HEATR5B: variants seen among roughly 807,000 people sequenced by gnomAD.
The protein encoded by HEATR5B is HEAT repeat-containing protein 5B.
HEATR5B carries 156 observed loss-of-function variants against 224.1 expected under a neutral mutation model. The ratio of observed to expected loss-of-function variants is 0.70; its 90% CI spans 0.61 to 0.80. HEATR5B has a LOEUF of 0.80. Ranked by LOEUF, HEATR5B falls within the 30% of genes least tolerant of loss-of-function variation. The probability of loss-of-function intolerance (pLI) is 0.00; values close to 1 mark genes in which losing one functional copy is unlikely to be tolerated. For missense variants in HEATR5B, 2,323 were observed against 2,535.5 expected (o/e 0.92, Z 1.80); for synonymous variants, 1,027 against 893.0 (o/e 1.15, Z -2.68).
chr2:37,065,414 A>G (rs530360927), intron 9 of HEATR5B, among the ~76,000 whole-genome samples: 1 of 152,108 alleles, frequency 6.6e-6, no homozygotes, highest in East Asian at 1.9e-4. Context: ...CCTGGGCTTA[A>G]GCAATTCTCC....
At chr2:37,000,401 A>AACT (rs1667013264) in intron 33 of HEATR5B, among the ~76,000 whole-genome samples, 185 bp downstream of exon 33, 2 of 152,108 alleles carry the variant, frequency 1.3e-5, no homozygotes, top group African/African-American at 4.8e-5. Flanking sequence ...CTATTAACAC[A>AACT]AGGGCATTTA....
chr2:37,056,307 A>C, intron 16 of HEATR5B, 133 bp downstream of exon 16: 4 of 552,204 alleles, frequency 7.2e-6, no homozygotes. Context: ...TTACATTAGT[A>C]AATCTGTAAG....
intron 27 of HEATR5B, among the ~76,000 whole-genome samples, chr2:37,009,256 C>CAAAAAAAAAA: frequency 1.5e-5 from 1 of 65,678 alleles, no homozygotes; most frequent in Non-Finnish European, 3.1e-5. Flanking sequence ...GACTCTGTCT[C>CAAAAAAAAAA]AAAAAAAAAA....
At position 37,053,558 on chromosome 2, in the gene HEATR5B, C is replaced by T; in HGVS notation, c.2449G>A (p.Val817Ile). ...TTAAGCTGCACAGCCTGCTGGCGGA[C>T]ACCTTTAGCTTGTTTAACACATTCA... ...FAECVKQAKG[V>I]RQQAVQLNIF... Residue 817 changes from valine to isoleucine, a missense_variant, in exon 17 of 36, where the codon GTC becomes ATC. Coordinates refer to ENST00000233099, the MANE Select transcript of HEATR5B (RefSeq NM_019024.3). 1 of 1,610,226 alleles carries T rather than the reference C, an allele frequency of 6.2e-7. No individual in the cohort carries two copies. Among genetic ancestry groups the T allele is most frequent in the African/African-American group, 1.3e-5 (1 of 74,994 alleles).
intron 17 of HEATR5B, among the ~76,000 whole-genome samples, chr2:37,052,928 T>G (rs1338490072): frequency 1.3e-5 from 2 of 152,246 alleles, no homozygotes; most frequent in South Asian, 4.1e-4. Context: ...AATTTCCATT[T>G]AATATTTTCA....
At chr2:37,026,577 T>C (rs1668790337) in intron 24 of HEATR5B, among the ~76,000 whole-genome samples, 2 of 152,220 alleles carry the variant, frequency 1.3e-5, no homozygotes, top group East Asian at 1.9e-4. Context: ...GCCATAACTA[T>C]TTGACTGAGA....
chr2:36,993,462 AG>A (rs1666472782), intron 33 of HEATR5B, among the ~76,000 whole-genome samples: 1 of 151,582 alleles, frequency 6.6e-6, no homozygotes, highest in Admixed American at 6.6e-5. Context: ...GCTTGAACAT[AG>A]GAGGTGGACG....
At chr2:37,001,865 C>T (rs1402512322) in intron 32 of HEATR5B, among the ~76,000 whole-genome samples, 3 of 152,122 alleles carry the variant, frequency 2.0e-5, no homozygotes, top group South Asian at 2.1e-4. Context: ...TGGCATTTCA[C>T]CATGTTGGTC....
At chr2:37,079,088 C>T (rs1230437941) in intron 3 of HEATR5B, 32 bp downstream of exon 3, 2 of 1,361,258 alleles carry the variant, frequency 1.5e-6, no homozygotes, top group Non-Finnish European at 2.0e-6. Context: ...AAAAATAAAA[C>T]TTCAAGGGCC....
intron 31 of HEATR5B, among the ~76,000 whole-genome samples, 160 bp downstream of exon 31, chr2:37,003,382 A>G (rs980085183): frequency 1.1e-4 from 16 of 151,952 alleles, no homozygotes; most frequent in African/African-American, 3.9e-4. Context: ...ACTACACTGA[A>G]CTATAATCAC....
In HEATR5B at chr2:37,000,490, G is replaced by T. The variant is rs923806931; in HGVS notation, c.5545+96C>A. 68 of 883,634 alleles carry T rather than the reference G, an allele frequency of 7.7e-5. 1 individual carries two copies. The highest frequency in any genetic ancestry group is 2.2e-4 in the Middle Eastern group (1 of 4,562). 54.7% of individuals were successfully genotyped at this position (883,634 alleles called of 1,614,324 possible). ...ACATACCTCTCTGAGATGATTCATT[G>T]TTATACAGCAGTTTTCTGATAAGCT... On this transcript the variant is annotated intron_variant, in intron 33 of 35. Transcript: ENST00000233099.
intron 2 of HEATR5B, 114 bp downstream of exon 2, chr2:37,083,175 A>G: frequency 3.4e-6 from 4 of 1,178,142 alleles, no homozygotes; most frequent in Non-Finnish European, 5.0e-6. Context: ...TAATACTCTC[A>G]AGTTCCATAA....
At chr2:37,021,472 A>G (rs908232142) in intron 24 of HEATR5B, among the ~76,000 whole-genome samples, 5 of 152,248 alleles carry the variant, frequency 3.3e-5, no homozygotes, top group Admixed American at 1.3e-4. Flanking sequence ...AATGTCAATT[A>G]CCAGCTTATT....
At chr2:37,051,970 C>T (rs1278858129) in intron 17 of HEATR5B, among the ~76,000 whole-genome samples, 1 of 152,026 alleles carries the variant, frequency 6.6e-6, no homozygotes, top group Admixed American at 6.6e-5. Context: ...AAACTCCTGA[C>T]CTCAGGTGAT....
At chr2:37,034,309 T>C (rs1407154824) in intron 21 of HEATR5B, among the ~76,000 whole-genome samples, 1 of 146,456 alleles carries the variant, frequency 6.8e-6, no homozygotes, top group Admixed American at 6.7e-5. Flanking sequence ...CCTGGCTGTT[T>C]GTTTTGTTTT....
At chr2:37,076,532 C>T (rs1558382780) in intron 4 of HEATR5B, among the ~76,000 whole-genome samples, 1 of 152,050 alleles carries the variant, frequency 6.6e-6, no homozygotes, top group African/African-American at 2.4e-5. Flanking sequence ...GACACTTTAT[C>T]GCAGACCTCC....
intron 33 of HEATR5B, among the ~76,000 whole-genome samples, chr2:36,999,720 T>A (rs1666962247): frequency 6.6e-6 from 1 of 151,612 alleles, no homozygotes; most frequent in African/African-American, 2.4e-5. Flanking sequence ...TGTATATATT[T>A]AAAACCTCCC....
At chr2:36,984,718 T>G (rs1038600748) in intron 35 of HEATR5B, among the ~76,000 whole-genome samples, 1 of 152,094 alleles carries the variant, frequency 6.6e-6, no homozygotes, top group Non-Finnish European at 1.5e-5. Flanking sequence ...AGAAAAAATA[T>G]TTTGAAAAGC....
intron 9 of HEATR5B, among the ~76,000 whole-genome samples, chr2:37,065,306 A>G (rs1205188267): frequency 6.6e-6 from 1 of 152,026 alleles, no homozygotes; most frequent in Non-Finnish European, 1.5e-5. Context: ...ATTTAATTCA[A>G]TATTCTTTAC....
Sources: allele counts gnomAD v4.1 joint callset (sites outside exome capture counted in the v4.1 genomes callset), GRCh38; gene constraint gnomAD v4.1.1; transcripts MANE v1.5; gene names NCBI Gene and HGNC (gene_info 2026-07-23, HGNC 2026-07-21).